Variants in RORA observed in about 807,000 individuals in gnomAD.
RORA encodes the protein RAR related orphan receptor A, also known as nuclear receptor ROR-alpha.
Under a neutral mutation model 69.5 loss-of-function variants are expected in RORA, and 7 were observed. The observed-to-expected ratio is 0.10, with a 90% CI of 0.06 to 0.19. The LOEUF is 0.19. Ranked by LOEUF, RORA falls within the 10% of genes least tolerant of loss-of-function variation. The pLI, the probability that RORA is intolerant of heterozygous loss-of-function variation, is 1.00. For synonymous variants in RORA, 261 were observed against 240.8 expected, an observed-to-expected ratio of 1.08 and a Z score of -0.78; for missense variants, 457 against 663.0, an observed-to-expected ratio of 0.69 and a Z score of 3.41.
intron 1 of RORA, among the ~76,000 whole-genome samples, chr15:60,899,227 A>G (rs558159504): frequency 2.0e-5 from 3 of 152,358 alleles, no homozygotes; most frequent in African/African-American, 7.2e-5. Flanking sequence ...AAGATCTCAT[A>G]GAAGTAACTG....
At chr15:60,507,434 G>A (rs2065543920) in intron 5 of RORA, among the ~76,000 whole-genome samples, 1 of 152,088 alleles carries the variant, frequency 6.6e-6, no homozygotes, top group Non-Finnish European at 1.5e-5. Flanking sequence ...TAGAGACACT[G>A]AAACATAATA....
intron 1 of RORA, among the ~76,000 whole-genome samples, chr15:60,972,850 T>C (rs918129264): frequency 1.3e-5 from 2 of 152,234 alleles, no homozygotes; most frequent in African/African-American, 4.8e-5. Flanking sequence ...TTAATAGTTG[T>C]GGCTCTTAGT....
intron 1 of RORA, among the ~76,000 whole-genome samples, chr15:61,096,386 A>G (rs2078790622): frequency 6.6e-6 from 1 of 152,222 alleles, no homozygotes; most frequent in South Asian, 2.1e-4. Context: ...CTCATTTAGT[A>G]GCGACAATTC....
At chr15:60,702,781 G>A (rs1020890952) in intron 1 of RORA, among the ~76,000 whole-genome samples, 1 of 152,208 alleles carries the variant, frequency 6.6e-6, no homozygotes, top group Non-Finnish European at 1.5e-5. Context: ...ATGATGCTAT[G>A]TTTAAAACTT....
intron 1 of RORA, chr15:60,841,039 C>T: frequency 1.0e-6 from 1 of 964,998 alleles, no homozygotes; most frequent in Non-Finnish European, 1.2e-6. Flanking sequence ...GAAATTTAGG[C>T]ATTGAAAGTA....
At chr15:61,002,188 C>T (rs1241056301) in intron 1 of RORA, among the ~76,000 whole-genome samples, 7 of 152,176 alleles carry the variant, frequency 4.6e-5, no homozygotes, top group African/African-American at 1.7e-4. Context: ...GAAGGCTGGC[C>T]CTCCCATCTG....
At chr15:60,724,871 G>C (rs570789749) in intron 1 of RORA, among the ~76,000 whole-genome samples, 2 of 152,186 alleles carry the variant, frequency 1.3e-5, no homozygotes, top group Non-Finnish European at 2.9e-5. Flanking sequence ...CCCTCCCAGA[G>C]AGGTGCTCCC....
chr15:60,889,357 G>A (rs117946867), intron 1 of RORA, among the ~76,000 whole-genome samples: 1 of 148,430 alleles, frequency 6.7e-6, no homozygotes, highest in African/African-American at 2.4e-5. Context: ...GGGCGGGGGG[G>A]GGGGGAAGGA....
chr15:60,735,792 T>C (rs1036007183), intron 1 of RORA, among the ~76,000 whole-genome samples: 1 of 152,136 alleles, frequency 6.6e-6, no homozygotes, highest in Non-Finnish European at 1.5e-5. Context: ...CAAGGCTCAG[T>C]GGTTTTGAAG....
At chr15:60,548,216 G>T (rs146879164) in intron 2 of RORA, among the ~76,000 whole-genome samples, 1 of 152,292 alleles carries the variant, frequency 6.6e-6, no homozygotes, top group East Asian at 1.9e-4. Context: ...CATGGTTTCT[G>T]GTTTCACAGT....
chr15:60,795,305 T>G (rs2072478457), intron 1 of RORA, among the ~76,000 whole-genome samples: 1 of 152,170 alleles, frequency 6.6e-6, no homozygotes, highest in Admixed American at 6.5e-5. Context: ...TCACCTTTAC[T>G]CCTGTGCTCA....
chr15:61,200,412 T>C (rs1550225), intron 1 of RORA, among the ~76,000 whole-genome samples: 145,862 of 152,214 alleles, frequency 0.96, 70,178 homozygotes, highest in East Asian at 1. Context: ...AAATTAACTT[T>C]CTGGAACATA....
intron 1 of RORA, among the ~76,000 whole-genome samples, chr15:60,734,289 G>A (rs1472931053): frequency 6.6e-6 from 1 of 152,144 alleles, no homozygotes; most frequent in Non-Finnish European, 1.5e-5. Flanking sequence ...CAGAAACTCT[G>A]GAGATGGGGC....
At chr15:60,774,986 A>C (rs947216334) in intron 1 of RORA, among the ~76,000 whole-genome samples, 19 of 152,340 alleles carry the variant, frequency 1.2e-4, no homozygotes, top group African/African-American at 4.1e-4. Flanking sequence ...ATGTTACTGT[A>C]ACATTCGTTG....
chr15:60,592,487 C>T (rs2068558506), intron 2 of RORA: 3 of 1,332,560 alleles, frequency 2.3e-6, no homozygotes, highest in South Asian at 3.9e-5. Context: ...GCCGCCGCCG[C>T]GCCGCCGCCG....
intron 1 of RORA, among the ~76,000 whole-genome samples, chr15:61,059,296 CT>C (rs2078137753): frequency 2.0e-5 from 3 of 152,212 alleles, no homozygotes; most frequent in Non-Finnish European, 4.4e-5. Flanking sequence ...AACCAAGATC[CT>C]TGCCTACTGA....
chr15:61,022,707 T>C (rs1211841035), intron 1 of RORA, among the ~76,000 whole-genome samples: 1 of 152,122 alleles, frequency 6.6e-6, no homozygotes, highest in Non-Finnish European at 1.5e-5. Flanking sequence ...AGTGTACAGA[T>C]TTAAGTAAAA....
intron 1 of RORA, among the ~76,000 whole-genome samples, chr15:60,856,533 T>C (rs375292091): frequency 5.9e-5 from 9 of 151,418 alleles, no homozygotes; most frequent in African/African-American, 2.2e-4. Context: ...TTAGATATTA[T>C]CAAAATATTT....
chr15:60,592,852 G>T (rs891148358), intron 2 of RORA: 3 of 481,374 alleles, frequency 6.2e-6, no homozygotes, highest in African/African-American at 4.0e-5. Flanking sequence ...CCCGCGGAAC[G>T]CGCCTCTGAC....
Sources: allele counts gnomAD v4.1 joint callset (sites outside exome capture counted in the v4.1 genomes callset), GRCh38; gene constraint gnomAD v4.1.1; transcripts MANE v1.5; gene names NCBI Gene and HGNC (gene_info 2026-07-23, HGNC 2026-07-21).